Variants in TTN observed in about 807,000 individuals in gnomAD.
TTN encodes connectin.
TTN carries 1,525 observed loss-of-function variants against 3,223.0 expected under a neutral mutation model. The ratio of observed to expected loss-of-function variants is 0.47; its 90% confidence interval spans 0.45 to 0.49. TTN has a LOEUF of 0.49. Among genes scored for constraint, TTN ranks in the 20% least tolerant of loss-of-function variants. TTN has a pLI of 0.00. For synonymous variants in TTN, 14,094 were observed against 15,161.0 expected (o/e 0.93, Z 5.17); for missense variants, 40,786 against 43,424.0 (o/e 0.94, Z 5.40).
In TTN at chr2:178,677,288, CTTAAAAACAT is replaced by C; in HGVS notation, c.34292-11_34292-2del. On this transcript the variant is annotated splice_acceptor_variant and splice_polypyrimidine_tract_variant and intron_variant, in intron 146 of 362. Transcript: ENST00000589042. LOFTEE classifies it high-confidence loss of function. ...ACAGGTTTCTTTGGCACTTCAGGCA[CTTAAAAACAT>C]TTCATTTGAAGGCATTAAAAACCAC... 8.4e-7 allele frequency: 1 copy of C among 1,184,548 alleles called. No homozygotes were observed. The highest frequency in any genetic ancestry group is 1.0e-6 in the Non-Finnish European group (1 of 967,152). The allele number at this position is 1,184,548 out of a possible 1,614,324, so 73.4% of individuals were successfully genotyped here. A position where few individuals can be genotyped will look rare whatever the true frequency, so the allele number is the denominator to read the frequency against.
At chr2:178,717,459 G>C (rs989419896) in intron 87 of TTN, 64 bp downstream of exon 87, 26 of 1,560,372 alleles carry the variant, frequency 1.7e-5, no homozygotes, top group Non-Finnish European at 2.2e-5. Flanking sequence ...AATGGCACCA[G>C]CCTTTTGGTG....
rs776534823 is a variant in TTN, at chr2:178,775,821, C to A, written c.6043G>T (p.Ala2015Ser). The A allele has an allele frequency of 2.5e-6, 4 of 1,613,908 alleles. No homozygotes were observed. The highest frequency in any genetic ancestry group is 1.7e-5 in the Admixed American group (1 of 59,954). The change falls in exon 28 of 363, where the codon GCT becomes TCT. Residue 2015 changes from alanine (A) to serine (S), a missense_variant. Ala to Ser is a moderately conservative substitution (Grantham distance 99). Coordinates refer to ENST00000589042, the MANE Select transcript of TTN (RefSeq NM_001267550.2). The stretch of plus-strand genomic sequence containing the variant: ...TTCTTTCGAGACTTGAGCTCCACAG[C>A]GGTAATGGCTTCATAATAGCCCTCT... ...TEEGYYEAIT[A>S]VELKSRKKDE...
At chr2:178,541,097 G>T in intron 350 of TTN, 185 bp downstream of exon 350, 1 of 489,540 alleles carries the variant, frequency 2.0e-6, no homozygotes, top group Non-Finnish European at 3.3e-6. Flanking sequence ...GTGGGGAAGG[G>T]ACTGATTACA....
Position 178,745,946 on chromosome 2 carries a change from A to ACTTTG in TTN, c.11312-4030_11312-4026dup, listed in dbSNP as rs1331814194. 25 of 1,609,520 alleles carry ACTTTG rather than the reference A, an allele frequency of 1.6e-5. No homozygotes were observed. Among genetic ancestry groups the ACTTTG allele is most frequent in the Non-Finnish European group, 2.1e-5 (25 of 1,176,642 alleles). On this transcript the variant is annotated intron_variant, in intron 47 of 362. Coordinates refer to ENST00000589042, the MANE Select transcript of TTN (RefSeq NM_001267550.2). ...TTCTTCCATTAAACTGCTTAAAGTCACTTTGCTTTTCTTTGCTATCACAGC... is the reference window on the plus strand; with the variant it reads ...TTCTTCCATTAAACTGCTTAAAGTCACTTTGCTTTGCTTTTCTTTGCTATCACAGC...
chr2:178,649,146 G>A, intron 213 of TTN, 102 bp downstream of exon 213: 1 of 917,574 alleles, frequency 1.1e-6, no homozygotes, highest in Non-Finnish European at 1.6e-6. Flanking sequence ...GTGCAATATG[G>A]TTTTAACATA....
At position 178,719,170 on chromosome 2, in the gene TTN, C is replaced by T. The variant is rs763504178; in HGVS notation, c.24220G>A (p.Val8074Met). 4 of 1,610,836 alleles carry T rather than the reference C, an allele frequency of 2.5e-6. No individual in the cohort carries two copies. The Admixed American group carries it at 6.7e-5, about 27-fold the overall frequency. Residue 8074 changes from valine (V) to methionine (M), a missense_variant, in exon 83 of 363, where the codon GTG becomes ATG. By Grantham distance (21) the Val-to-Met change is conservative (BLOSUM62 1). Coordinates refer to ENST00000589042, the MANE Select transcript of TTN (RefSeq NM_001267550.2). ...GSDECSAVLT[V>M]QEPPSFEQTP... ...TTTATCCTTGCACACTGACCTTGCACAGTCAGGACTGCTGAGCACTCATCG... is the reference window on the plus strand; with the variant it reads ...TTTATCCTTGCACACTGACCTTGCATAGTCAGGACTGCTGAGCACTCATCG...
At position 178,741,501 on chromosome 2, in the gene TTN, G is replaced by A; in HGVS notation, c.11732C>T (p.Ser3911Phe). 2 of 1,613,708 alleles carry A rather than the reference G, an allele frequency of 1.2e-6. No individual in the cohort carries two copies. Among genetic ancestry groups the A allele is most frequent in the Non-Finnish European group, 8.5e-7 (1 of 1,179,790 alleles). The change falls in exon 48 of 363, where the codon TCC becomes TTC. Residue 3911 changes from serine to phenylalanine, a missense_variant. Ser to Phe is a radical substitution (Grantham distance 155). Coordinates refer to ENST00000589042, the MANE Select transcript of TTN (RefSeq NM_001267550.2). ...TICSAYLKIN[S>F]KGEGHKDTET... ...AGTGTCTTTGTGACCCTCTCCTTTG[G>A]AATTAATTTTTAGATAGGCACTACA...
At chr2:178,686,449 G>T in intron 127 of TTN, among the ~76,000 whole-genome samples, 1 of 150,848 alleles carries the variant, frequency 6.6e-6, no homozygotes, top group Admixed American at 6.6e-5. Context: ...ACAATGTCTT[G>T]CTTTGTTGCC....
Position 178,531,566 on chromosome 2 carries a change from T to C in TTN, c.105049A>G (p.Thr35017Ala), listed in dbSNP as rs368779151. The part of the protein sequence containing the change: ...DDSGTYRAVC[T>A]NYKGEASDYA... ...TCAGAAGCTTCGCCCTTGTAGTTGG[T>C]GCACACAGCACGGTAGGTTCCACTG... Residue 35017 changes from threonine to alanine, a missense_variant, in exon 358 of 363, where the codon ACC becomes GCC. Physicochemically the swap from Thr to Ala is moderately conservative, Grantham distance 58. Transcript: ENST00000589042. The C allele has an allele frequency of 8.7e-6, 14 of 1,613,986 alleles. No individual in the cohort carries two copies. In the East Asian group the frequency reaches 2.0e-4, roughly 23 times the overall value.
In TTN at chr2:178,553,555, C is replaced by G. The variant is rs778747498; in HGVS notation, c.89450G>C (p.Gly29817Ala). Residue 29817 changes from glycine to alanine, a missense_variant, in exon 334 of 363, where the codon GGA (glycine) becomes GCA (alanine). Coordinates refer to ENST00000589042, the MANE Select transcript of TTN (RefSeq NM_001267550.2). ...ATTCATTTCTATAGGTTCTCCTTGTCCAGCACAGTTTACAGCAGATACCCG... is the reference window on the plus strand; with the variant it reads ...ATTCATTTCTATAGGTTCTCCTTGTGCAGCACAGTTTACAGCAGATACCCG... ...YFRVSAVNCA[G>A]QGEPIEMNEP... is the part of the protein sequence containing the mutation. 1 of 1,613,724 alleles carries G rather than the reference C, an allele frequency of 6.2e-7. No homozygotes were observed. Among genetic ancestry groups the G allele is most frequent in the African/African-American group, 1.3e-5 (1 of 74,942 alleles).
At chr2:178,798,431 A>G (rs950037110) in intron 6 of TTN, 2 of 152,296 alleles carry the variant, frequency 1.3e-5, no homozygotes, top group South Asian at 2.1e-4. Context: ...ACCTTCTAAA[A>G]TACTTCCATA....
chr2:178,627,952 A>G (rs964164049), intron 240 of TTN, among the ~76,000 whole-genome samples: 14 of 152,060 alleles, frequency 9.2e-5, no homozygotes, highest in Non-Finnish European at 5.9e-5. Context: ...TATTTTTTCA[A>G]ACAATAAGCT....
Position 178,552,777 on chromosome 2 carries a change from G to A in TTN, c.90123C>T (p.Asp30041=). The change falls in exon 335 of 363, where the codon GAC becomes GAT. Residue 30041 remains aspartate (D), a synonymous_variant. Coordinates refer to ENST00000589042, the MANE Select transcript of TTN (RefSeq NM_001267550.2). ...TGAGGATGACAGATGTCTTTGTTGA[G>A]TCTTTCATTGAGAGATCACGTATAG... ...PAPIRDLSMK[D]STKTSVILSW... The A allele has an allele frequency of 6.2e-7, 1 of 1,613,908 alleles. No homozygotes were observed. Among genetic ancestry groups the A allele is most frequent in the Non-Finnish European group, 8.5e-7 (1 of 1,179,826 alleles).
At chr2:178,686,553 G>A (rs970481184) in intron 127 of TTN, among the ~76,000 whole-genome samples, 1 of 152,132 alleles carries the variant, frequency 6.6e-6, no homozygotes, top group Non-Finnish European at 1.5e-5. Flanking sequence ...GAGTAGCTGG[G>A]ACTAGAGGTG....
chr2:178,595,174 G>GA (rs2154187810), intron 295 of TTN, among the ~76,000 whole-genome samples: 1 of 151,998 alleles, frequency 6.6e-6, no homozygotes, highest in African/African-American at 2.4e-5. Flanking sequence ...GGGAGACTGA[G>GA]ACACAAGAAT....
Position 178,778,781 on chromosome 2 carries a change from T to C in TTN, c.4208+93A>G, listed in dbSNP as rs1574696640. 5 of 1,565,782 alleles carry C rather than the reference T, an allele frequency of 3.2e-6. No homozygotes were observed. The East Asian group carries it at 9.3e-5, about 29-fold the overall frequency. ...GTAAGTTTCTGTGCCATTTTAGCCC[T>C]CGATTTTCTTCTTACACAATAGCAA... On this transcript the variant is annotated intron_variant, in intron 24 of 362. Transcript: ENST00000589042.
chr2:178,677,469 A>G (rs2068352330), intron 146 of TTN, 152 bp downstream of exon 146: 1 of 803,456 alleles, frequency 1.2e-6, no homozygotes, highest in African/African-American at 1.8e-5. Flanking sequence ...GATACACAAT[A>G]AGAACACACA....
In TTN at chr2:178,590,991, C is replaced by T. The variant is rs575837567; in HGVS notation, c.60734G>A (p.Arg20245Gln). ...HLQKGCEYVF[R>Q]VRAENKIGVG... is the part of the protein sequence containing the mutation. ...ACCTATCTTATTCTCTGCTCTAACT[C>T]GGAAAACATATTCACAGCCCTTCTG... Residue 20245 changes from arginine (R) to glutamine (Q), a missense_variant, in exon 304 of 363, where the codon CGA (arginine) becomes CAA (glutamine). Physicochemically the swap from Arg to Gln is conservative, Grantham distance 43 (BLOSUM62 1). Coordinates refer to ENST00000589042, the MANE Select transcript of TTN (RefSeq NM_001267550.2). 3.5e-5 allele frequency: 57 copies of T among 1,613,448 alleles called. No individual in the cohort carries two copies. In the African/African-American group the frequency reaches 5.1e-4, roughly 14 times the overall value.
rs1410838349 is a variant in TTN at position 178,612,538 on chromosome 2, T to C, written c.49987A>G (p.Ile16663Val). ...TTTAGGTCTGCTGTATTTTTTGTGA[T>C]ATTAATAACTTCAAGCCAGCGTGGT... ...SPPRWLEVIN[I>V]TKNTADLKWT... The change falls in exon 266 of 363, where the codon ATC becomes GTC. Residue 16663 changes from isoleucine (I) to valine (V), a missense_variant. Transcript: ENST00000589042. The C allele has an allele frequency of 3.1e-6, 5 of 1,611,674 alleles. No individual in the cohort carries two copies. Among genetic ancestry groups the C allele is most frequent in the Non-Finnish European group, 4.2e-6 (5 of 1,179,024 alleles).
Sources: gnomAD v4.1 joint callset for allele counts (sites outside exome capture counted in the v4.1 genomes callset) on GRCh38, gnomAD v4.1.1 for gene constraint, MANE v1.5 for transcripts, NCBI Gene and HGNC (gene_info 2026-07-23, HGNC 2026-07-21) for gene names.